NUDT3: variants seen among roughly 807,000 people sequenced by gnomAD.
The protein encoded by NUDT3 is nudix hydrolase 3.
In NUDT3, 9 loss-of-function variants were observed where a neutral mutation model predicts 23.6. The observed-to-expected ratio is 0.38, with a 90% CI of 0.23 to 0.66. The LOEUF (loss-of-function observed/expected upper bound fraction) is 0.66. NUDT3 is among the 30% of genes least tolerant of loss of function. The probability of loss-of-function intolerance (pLI) is 0.52; values close to 1 mark genes in which losing one functional copy is unlikely to be tolerated. For missense variants in NUDT3, 172 were observed against 218.5 expected (o/e 0.79, Z 1.34); for synonymous variants, 86 against 82.6 (o/e 1.04, Z -0.22).
intron 2 of NUDT3, among the ~76,000 whole-genome samples, chr6:34,322,294 GA>G (rs1763955358): frequency 6.6e-6 from 1 of 151,460 alleles, no homozygotes. Flanking sequence ...GCAGTGGCAC[GA>G]TTTCAGCTCA....
At chr6:34,377,600 G>A (rs1248375994) in intron 1 of NUDT3, among the ~76,000 whole-genome samples, 2 of 151,054 alleles carry the variant, frequency 1.3e-5, no homozygotes, top group African/African-American at 4.9e-5. Context: ...TTGGGAAGCT[G>A]AGACGGACAG....
chr6:34,300,182 A>C (rs1763578738), intron 2 of NUDT3, among the ~76,000 whole-genome samples: 1 of 152,196 alleles, frequency 6.6e-6, no homozygotes, highest in Admixed American at 6.5e-5. Flanking sequence ...ACAAAAGCTT[A>C]GGTAGAGGCA....
chr6:34,361,040 T>C (rs540847333), intron 1 of NUDT3, among the ~76,000 whole-genome samples: 14 of 152,002 alleles, frequency 9.2e-5, no homozygotes, highest in South Asian at 2.1e-4. Context: ...CTGGGCAACA[T>C]AGCAAGACCC....
intron 2 of NUDT3, among the ~76,000 whole-genome samples, chr6:34,297,751 ATATATATAAT>A (rs1322434133): frequency 6.9e-4 from 69 of 99,742 alleles, no homozygotes; most frequent in African/African-American, 3.1e-3. Context: ...ATATATATAT[ATATATATAAT>A]TTTTTTTTTT....
intron 2 of NUDT3, among the ~76,000 whole-genome samples, chr6:34,323,686 T>C (rs1413610848): frequency 3.3e-5 from 5 of 152,240 alleles, no homozygotes; most frequent in Admixed American, 3.3e-4. Flanking sequence ...GAGTGATGTG[T>C]CACACTATCT....
chr6:34,351,110 G>A (rs1222462040), intron 1 of NUDT3, among the ~76,000 whole-genome samples: 1 of 144,440 alleles, frequency 6.9e-6, no homozygotes, highest in Non-Finnish European at 1.5e-5. Flanking sequence ...AGCACTCTGG[G>A]AGGCTGAGGT....
In NUDT3 at chr6:34,288,546, C is replaced by T. The variant is rs1763367370; in HGVS notation, c.*207G>A. 9.5e-6 allele frequency: 6 copies of T among 634,712 alleles called. No individual in the cohort carries two copies. The highest frequency in any genetic ancestry group is 1.5e-5 in the Non-Finnish European group (6 of 396,292). The allele number at this position is 634,712 out of a possible 1,614,324, so 39.3% of individuals were successfully genotyped here. A position where few individuals can be genotyped will look rare whatever the true frequency, so the allele number is the denominator to read the frequency against. ...ACAAAAGTACTTACAAATTACACAC[C>T]CAACCCCCACCCTCAATAAAAACAG... On this transcript the variant is annotated 3_prime_UTR_variant, in exon 5 of 5. Transcript: ENST00000607016.
In NUDT3 at chr6:34,392,201, C is replaced by G. The variant is rs996068754; in HGVS notation, c.99+63G>C. The G allele has an allele frequency of 2.9e-6, 4 of 1,371,224 alleles. No individual in the cohort carries two copies. The African/African-American group carries it at 6.0e-5, about 21-fold the overall frequency. The allele number at this position is 1,371,224 out of a possible 1,614,324, so 84.9% of individuals were successfully genotyped here. A position where few individuals can be genotyped will look rare whatever the true frequency, so the allele number is the denominator to read the frequency against. On this transcript the variant is annotated intron_variant, in intron 1 of 4. Transcript: ENST00000607016. Reference sequence around the variant, plus strand: ...ACCCTCCTCCGGCGGCCGCGCCCCTCGCGCCTCCACCCGAAGGGGCCGGAG... The same window carrying G: ...ACCCTCCTCCGGCGGCCGCGCCCCTGGCGCCTCCACCCGAAGGGGCCGGAG...
rs531367904 is a variant in NUDT3, at chr6:34,284,316, G to A, written c.*4437C>T. 1 of 152,256 alleles carries A rather than the reference G, an allele frequency of 6.6e-6. No homozygotes were observed. Among genetic ancestry groups the A allele is most frequent in the African/African-American group, 2.4e-5 (1 of 41,554 alleles). The allele number at this position is 152,256 out of a possible 1,614,324, so 9.4% of individuals were successfully genotyped here. On this transcript the variant is annotated 3_prime_UTR_variant, in exon 5 of 5. Coordinates refer to ENST00000607016, the MANE Select transcript of NUDT3 (RefSeq NM_006703.4). ...TTTTCTGAAATGCAGATGGGACTAG[G>A]ATGAAGCTGTATTATCAATTACAGA...
intron 1 of NUDT3, among the ~76,000 whole-genome samples, chr6:34,356,579 A>G (rs922391644): frequency 2.0e-5 from 3 of 152,218 alleles, no homozygotes; most frequent in African/African-American, 7.2e-5. Context: ...ACAGACTAGA[A>G]TATCAAATAT....
intron 2 of NUDT3, among the ~76,000 whole-genome samples, chr6:34,302,797 A>C (rs976122106): frequency 6.6e-6 from 1 of 152,190 alleles, no homozygotes; most frequent in Non-Finnish European, 1.5e-5. Context: ...TTACAGTCAC[A>C]TATCTTTTCT....
Position 34,288,372 on chromosome 6 carries a change from AT to A in NUDT3, c.*380del, listed in dbSNP as rs1480779804. 5.9e-6 allele frequency: 1 copy of A among 169,280 alleles called. No individual in the cohort carries two copies. The allele number at this position is 169,280 out of a possible 1,614,324, so 10.5% of individuals were successfully genotyped here. On this transcript the variant is annotated 3_prime_UTR_variant, in exon 5 of 5. Transcript: ENST00000607016. ...TTTCATCTCATACTGGTATCTTTTA[AT>A]AAAAAAAAAAAATTAAAAATCAAAG...
Position 34,291,295 on chromosome 6 carries a change from C to T in NUDT3, c.340+2156G>A, listed in dbSNP as rs942679983. 5.3e-5 allele frequency among the ~76,000 whole-genome samples: 8 copies of T among 151,972 alleles called. No individual in the cohort carries two copies. The East Asian group carries it at 1.2e-3, about 22-fold the overall frequency. On this transcript the variant is annotated intron_variant, in intron 4 of 4. Coordinates refer to ENST00000607016, the MANE Select transcript of NUDT3 (RefSeq NM_006703.4). ...TATAAATAATGCTATTTTTTTAAAA[C>T]GTTCCCCGTTTTTTCTTTCTTTTTA...
chr6:34,348,705 G>A (rs1400686656), intron 1 of NUDT3, among the ~76,000 whole-genome samples: 1 of 152,096 alleles, frequency 6.6e-6, no homozygotes, highest in Non-Finnish European at 1.5e-5. Flanking sequence ...GAACCCGGGA[G>A]GCGGAGCTTG....
At position 34,392,437 on chromosome 6, in the gene NUDT3, T is replaced by TGCGC. The variant is rs1765222907; in HGVS notation, c.-79_-76dup. 6 of 1,125,876 alleles carry TGCGC rather than the reference T, an allele frequency of 5.3e-6. No individual in the cohort carries two copies. In the Admixed American group the frequency reaches 6.7e-5, roughly 13 times the overall value. 69.7% of individuals were successfully genotyped at this position (1,125,876 alleles called of 1,614,324 possible). ...GGGGAGCCCGCTCTGGACGGCCGCG[T>TGCGC]GCGCGCGCGCCCCCGGCTCGGCCAA... On this transcript the variant is annotated 5_prime_UTR_variant, in exon 1 of 5. Coordinates refer to ENST00000607016, the MANE Select transcript of NUDT3 (RefSeq NM_006703.4).
chr6:34,380,153 G>A (rs111299277), intron 1 of NUDT3, among the ~76,000 whole-genome samples: 4,984 of 151,738 alleles, frequency 0.033, 221 homozygotes, highest in African/African-American at 0.1. Context: ...GCGCGATCTC[G>A]GCTCACTGCA....
At chr6:34,384,694 C>A (rs979498984) in intron 1 of NUDT3, among the ~76,000 whole-genome samples, 5 of 152,248 alleles carry the variant, frequency 3.3e-5, no homozygotes, top group African/African-American at 1.2e-4. Flanking sequence ...GTCTTCCACA[C>A]AGTGTATGAT....
At chr6:34,360,935 A>C (rs1764641568) in intron 1 of NUDT3, among the ~76,000 whole-genome samples, 1 of 152,184 alleles carries the variant, frequency 6.6e-6, no homozygotes, top group South Asian at 2.1e-4. Flanking sequence ...AAATATATAC[A>C]TATGGGGCCA....
In NUDT3 at chr6:34,329,570, C is replaced by T. The variant is rs1051676452; in HGVS notation, c.210+12292G>A. 8.5e-5 allele frequency among the ~76,000 whole-genome samples: 13 copies of T among 152,184 alleles called. No individual in the cohort carries two copies. In the East Asian group the frequency reaches 1.7e-3, roughly 20 times the overall value. ...TGCTGAGATTACAGGCGTGAACCAC[C>T]GTGCCCAGTCAAGAACAACCATTCT... is the stretch of plus-strand genomic sequence containing the variant. On this transcript the variant is annotated intron_variant, in intron 2 of 4. Transcript: ENST00000607016.
Sources: allele counts gnomAD v4.1 joint callset (sites outside exome capture counted in the v4.1 genomes callset), GRCh38; gene constraint gnomAD v4.1.1; transcripts MANE v1.5; gene names NCBI Gene and HGNC (gene_info 2026-07-23, HGNC 2026-07-21).